The following LRGUK variants were observed in gnomAD, a reference collection of about 807,000 sequenced individuals.
The protein encoded by LRGUK is leucine rich repeats and guanylate kinase domain containing.
LRGUK carries 65 observed loss-of-function variants against 76.0 expected under a neutral mutation model. That is an observed-to-expected ratio of 0.85 (90% CI 0.70 to 1.05). The LOEUF is 1.05. LRGUK is among the 50% of genes least tolerant of loss of function. LRGUK has a pLI of 0.00. For synonymous variants in LRGUK, 268 were observed against 265.6 expected, an observed-to-expected ratio of 1.01 and a Z score of -0.09; for missense variants, 758 against 732.8, an observed-to-expected ratio of 1.03 and a Z score of -0.40.
intron 18 of LRGUK, among the ~76,000 whole-genome samples, chr7:134,256,148 C>T (rs898671188): frequency 1.3e-5 from 2 of 152,094 alleles, no homozygotes; most frequent in African/African-American, 4.8e-5. Flanking sequence ...TTCCCACCCC[C>T]GAACCTTCCC....
At chr7:134,209,594 C>A in exon 16 of LRGUK, 1 of 398,960 alleles carries the variant, frequency 2.5e-6, no homozygotes. Context: ...GAGCAGGAGG[C>A]CCACACCCAA....
At chr7:134,185,429 C>T (rs1190181133) in intron 11 of LRGUK, among the ~76,000 whole-genome samples, 8 of 151,784 alleles carry the variant, frequency 5.3e-5, no homozygotes, top group Admixed American at 1.3e-4. Context: ...GGTGTGTTGG[C>T]GCACACCTGT....
intron 14 of LRGUK, among the ~76,000 whole-genome samples, chr7:134,201,072 G>T (rs1053111537): frequency 3.9e-5 from 6 of 152,228 alleles, no homozygotes; most frequent in Middle Eastern, 3.4e-3. Flanking sequence ...CCAGCACATC[G>T]AATCCTCCTT....
At chr7:134,223,680 G>A (rs186329687) in intron 16 of LRGUK, among the ~76,000 whole-genome samples, 1 of 152,282 alleles carries the variant, frequency 6.6e-6, no homozygotes, top group African/African-American at 2.4e-5. Flanking sequence ...TAACCACCAT[G>A]GTTGACATGG....
chr7:134,223,868 C>T (rs1431538492), intron 16 of LRGUK, among the ~76,000 whole-genome samples: 2 of 152,128 alleles, frequency 1.3e-5, no homozygotes, highest in Non-Finnish European at 1.5e-5. Context: ...GTGATCCTCT[C>T]ACCTCAGCCT....
At chr7:134,265,220 T>A (rs1015477601), downstream of LRGUK, among the ~76,000 whole-genome samples, 7 of 152,174 alleles carry the variant, frequency 4.6e-5, no homozygotes, top group Non-Finnish European at 5.9e-5. Flanking sequence ...TAAAAAAAAT[T>A]ATGAAATATT....
chr7:134,230,565 T>G (rs866598610), intron 16 of LRGUK, among the ~76,000 whole-genome samples: 5 of 152,334 alleles, frequency 3.3e-5, no homozygotes, highest in Middle Eastern at 3.4e-3. Flanking sequence ...TTGTTCATAA[T>G]AGTCCTAAAC....
chr7:134,157,126 T>C (rs1798498237), intron 5 of LRGUK, among the ~76,000 whole-genome samples: 1 of 152,172 alleles, frequency 6.6e-6, no homozygotes, highest in Non-Finnish European at 1.5e-5. Flanking sequence ...TCACAATAAA[T>C]GGAATTTAAC....
intron 8 of LRGUK, among the ~76,000 whole-genome samples, chr7:134,176,192 C>T (rs1380642269): frequency 6.6e-6 from 1 of 152,082 alleles, no homozygotes; most frequent in Non-Finnish European, 1.5e-5. Flanking sequence ...CACATGGACA[C>T]AGGGAGGAGA....
intron 10 of LRGUK, among the ~76,000 whole-genome samples, chr7:134,182,775 T>G: frequency 6.6e-6 from 1 of 151,994 alleles, no homozygotes; most frequent in Non-Finnish European, 1.5e-5. Context: ...TGATGATGAT[T>G]TTTTTGAGAC....
intron 16 of LRGUK, among the ~76,000 whole-genome samples, chr7:134,240,472 G>A (rs2544170): frequency 0.48 from 72,907 of 151,950 alleles, 17,756 homozygotes; most frequent in South Asian, 0.58. Flanking sequence ...AATCAAATGA[G>A]TGAAATGAAG....
intron 16 of LRGUK, among the ~76,000 whole-genome samples, chr7:134,239,550 G>T (rs1802090059): frequency 6.6e-6 from 1 of 152,212 alleles, no homozygotes; most frequent in Non-Finnish European, 1.5e-5. Context: ...AAAGAGGCTG[G>T]GAAGCTCGAA....
At chr7:134,243,639 T>G (rs1802219919) in intron 16 of LRGUK, among the ~76,000 whole-genome samples, 1 of 152,120 alleles carries the variant, frequency 6.6e-6, no homozygotes, top group South Asian at 2.1e-4. Context: ...AGGTAATTTA[T>G]AGATTCAATG....
At chr7:134,205,936 T>A (rs192645345) in intron 15 of LRGUK, among the ~76,000 whole-genome samples, 1 of 152,334 alleles carries the variant, frequency 6.6e-6, no homozygotes, top group East Asian at 1.9e-4. Context: ...TTCCCAGATA[T>A]CTGAAGTAGT....
At chr7:134,229,682 G>A (rs186955587) in intron 16 of LRGUK, among the ~76,000 whole-genome samples, 89 of 152,150 alleles carry the variant, frequency 5.8e-4, no homozygotes, top group Non-Finnish European at 1.1e-3. Context: ...ATTTTAATAT[G>A]TATCTGAAAA....
At chr7:134,159,926 T>G (rs1050395770) in intron 6 of LRGUK, among the ~76,000 whole-genome samples, 6 of 152,226 alleles carry the variant, frequency 3.9e-5, no homozygotes, top group African/African-American at 1.4e-4. Context: ...TTTCATGTTT[T>G]CCGCCCATGA....
chr7:134,185,916 T>G (rs1799963195), intron 11 of LRGUK, among the ~76,000 whole-genome samples: 1 of 152,246 alleles, frequency 6.6e-6, no homozygotes, highest in South Asian at 2.1e-4. Context: ...AAAAATAAAT[T>G]AAAAGTTAAT....
chr7:134,192,745 A>G (rs1184001774), intron 12 of LRGUK, among the ~76,000 whole-genome samples: 3 of 152,076 alleles, frequency 2.0e-5, no homozygotes, highest in Admixed American at 6.5e-5. Context: ...TTACTTCTCC[A>G]TGGCCCTTAT....
intron 3 of LRGUK, among the ~76,000 whole-genome samples, chr7:134,141,859 T>C (rs1797779516): frequency 6.6e-6 from 1 of 152,210 alleles, no homozygotes; most frequent in Admixed American, 6.5e-5. Context: ...AGTGTTAATG[T>C]CTCAAAGTAC....
Sources: allele counts gnomAD v4.1 joint callset (sites outside exome capture counted in the v4.1 genomes callset), GRCh38; gene constraint gnomAD v4.1.1; transcripts MANE v1.5; gene names NCBI Gene and HGNC (gene_info 2026-07-23, HGNC 2026-07-21).